Variants in XKR9 observed in about 807,000 individuals in gnomAD.
XKR9 encodes the protein XK-related protein 9.
Under a neutral mutation model 32.0 loss-of-function variants are expected in XKR9, and 32 were observed. The ratio of observed to expected loss-of-function variants is 1.00; its 90% confidence interval spans 0.76 to 1.34. The LOEUF is 1.34. Ranked by LOEUF, XKR9 falls within the 40% of genes most tolerant of loss-of-function variation. The pLI is 0.00. For missense variants in XKR9, 546 were observed against 429.7 expected (o/e 1.27, Z -2.39); for synonymous variants, 168 against 143.4 (o/e 1.17, Z -1.22).
chr8:70,893,533 A>C, the XKR9 span, among the ~76,000 whole-genome samples: 971 of 152,270 alleles, frequency 6.4e-3, 18 homozygotes, highest in African/African-American at 0.022. Context: ...TTAGTGTGCC[A>C]GTTGGGAAGG....
the XKR9 span, among the ~76,000 whole-genome samples, chr8:70,898,981 A>G: frequency 6.6e-6 from 1 of 152,146 alleles, no homozygotes; most frequent in Non-Finnish European, 1.5e-5. Flanking sequence ...TGGTGCAATC[A>G]TAGCTCACTG....
intron 3 of XKR9, among the ~76,000 whole-genome samples, chr8:70,696,126 G>A (rs1805266596): frequency 6.6e-6 from 1 of 150,454 alleles, no homozygotes; most frequent in South Asian, 2.1e-4. Flanking sequence ...CTCCCATTTT[G>A]TAGGTTGCCT....
chr8:70,699,221 C>G (rs1396046301), intron 3 of XKR9, among the ~76,000 whole-genome samples: 2 of 152,156 alleles, frequency 1.3e-5, no homozygotes, highest in African/African-American at 4.8e-5. Context: ...TTGATCCTGT[C>G]ATTATGATGT....
chr8:70,712,896 A>G (rs1439668552), intron 4 of XKR9, among the ~76,000 whole-genome samples: 4 of 152,150 alleles, frequency 2.6e-5, no homozygotes, highest in Non-Finnish European at 5.9e-5. Context: ...TTTCAATGGA[A>G]AACAAAAGTT....
At chr8:70,884,773 G>T in the XKR9 span, among the ~76,000 whole-genome samples, 1 of 152,028 alleles carries the variant, frequency 6.6e-6, no homozygotes, top group Non-Finnish European at 1.5e-5. Flanking sequence ...GTACTTCCTT[G>T]TCTTCATAAC....
chr8:71,027,360 A>T, the XKR9 span, among the ~76,000 whole-genome samples: 5 of 148,192 alleles, frequency 3.4e-5, no homozygotes, highest in South Asian at 1.0e-3. Context: ...ATATATTTTT[A>T]AAATATATAT....
the XKR9 span, among the ~76,000 whole-genome samples, chr8:70,876,006 A>G: frequency 7.9e-5 from 12 of 152,178 alleles, no homozygotes; most frequent in African/African-American, 2.9e-4. Context: ...TTAATACAGA[A>G]ACAATTCAAA....
intron 3 of XKR9, among the ~76,000 whole-genome samples, chr8:70,698,971 G>C (rs887447793): frequency 8.5e-5 from 13 of 152,176 alleles, no homozygotes; most frequent in Admixed American, 5.9e-4. Flanking sequence ...ATCTTTGTTG[G>C]TTTAAAGTCT....
chr8:70,912,126 G>A, the XKR9 span, among the ~76,000 whole-genome samples: 1 of 152,162 alleles, frequency 6.6e-6, no homozygotes, highest in East Asian at 1.9e-4. Context: ...CAGGATGGCT[G>A]TGCACGAGTT....
At chr8:71,016,606 T>G in the XKR9 span, among the ~76,000 whole-genome samples, 7 of 152,334 alleles carry the variant, frequency 4.6e-5, no homozygotes, top group East Asian at 1.3e-3. Context: ...AAGCCCAATG[T>G]GTACTGCCAA....
chr8:71,054,180 G>A, the XKR9 span, among the ~76,000 whole-genome samples: 1 of 152,116 alleles, frequency 6.6e-6, no homozygotes, highest in Non-Finnish European at 1.5e-5. Context: ...TAAATATCAG[G>A]AGGCTTTCAT....
At chr8:70,728,674 G>C (rs1806559470) in intron 4 of XKR9, among the ~76,000 whole-genome samples, 1 of 152,128 alleles carries the variant, frequency 6.6e-6, no homozygotes, top group South Asian at 2.1e-4. Context: ...ATTTTCTTTT[G>C]AAGCATAATT....
chr8:70,824,945 C>G, the XKR9 span, among the ~76,000 whole-genome samples: 2 of 151,934 alleles, frequency 1.3e-5, no homozygotes, highest in African/African-American at 4.8e-5. Flanking sequence ...ATAATAATAT[C>G]AAAGATAGCC....
At chr8:70,913,623 A>G in the XKR9 span, among the ~76,000 whole-genome samples, 1 of 152,290 alleles carries the variant, frequency 6.6e-6, no homozygotes, top group East Asian at 1.9e-4. Flanking sequence ...TATTGAGTTC[A>G]ACATACATAA....
At chr8:70,931,205 A>G in the XKR9 span, among the ~76,000 whole-genome samples, 10 of 152,160 alleles carry the variant, frequency 6.6e-5, no homozygotes, top group African/African-American at 1.7e-4. Flanking sequence ...AAACAAAACT[A>G]TAATCTACAA....
chr8:70,879,917 C>G, the XKR9 span, among the ~76,000 whole-genome samples: 3 of 152,154 alleles, frequency 2.0e-5, no homozygotes, highest in Admixed American at 6.6e-5. Flanking sequence ...TATCAAAAAG[C>G]TTATCCACCA....
the XKR9 span, among the ~76,000 whole-genome samples, chr8:70,890,450 T>C: frequency 1.3e-5 from 2 of 151,986 alleles, no homozygotes; most frequent in Admixed American, 1.3e-4. Context: ...GGGTTTGTTA[T>C]ATATAGTCTT....
chr8:70,918,750 C>A, the XKR9 span, among the ~76,000 whole-genome samples: 3 of 139,896 alleles, frequency 2.1e-5, no homozygotes, highest in Admixed American at 2.2e-4. Context: ...AGCTGGCATC[C>A]AAATAGATCA....
chr8:70,833,503 C>A, the XKR9 span, among the ~76,000 whole-genome samples: 1 of 151,932 alleles, frequency 6.6e-6, no homozygotes, highest in African/African-American at 2.4e-5. Flanking sequence ...AGGTTTGCGA[C>A]TTGTTAGTTA....
Sources: allele counts gnomAD v4.1 joint callset (sites outside exome capture counted in the v4.1 genomes callset), GRCh38; gene constraint gnomAD v4.1.1; transcripts MANE v1.5; gene names NCBI Gene and HGNC (gene_info 2026-07-23, HGNC 2026-07-21).